RBPMS: variants seen among roughly 807,000 people sequenced by gnomAD.
The protein encoded by RBPMS is RNA binding protein, mRNA processing factor.
In RBPMS, 7 loss-of-function variants were observed where a neutral mutation model predicts 26.8. That is an observed-to-expected ratio of 0.26 (90% CI 0.15 to 0.49). RBPMS has a LOEUF of 0.49. Among genes scored for constraint, RBPMS ranks in the 20% least tolerant of loss-of-function variants. RBPMS has a pLI of 0.98. For missense variants in RBPMS, 186 were observed against 250.0 expected (o/e 0.74, Z 1.73); for synonymous variants, 96 against 93.3 (o/e 1.03, Z -0.17).
At chr8:30,565,234 T>C (rs1433224071) in intron 7 of RBPMS, 4 of 152,226 alleles carry the variant, frequency 2.6e-5, no homozygotes, top group Non-Finnish European at 5.9e-5. Context: ...GAGAGAGATG[T>C]CCTAGGAAGG....
chr8:30,414,535 T>C (rs1585384256), intron 1 of RBPMS, among the ~76,000 whole-genome samples: 1 of 152,218 alleles, frequency 6.6e-6, no homozygotes, highest in Non-Finnish European at 1.5e-5. Flanking sequence ...GGCTGGGCAA[T>C]ATGTATCACT....
chr8:30,544,796 C>T lies in RBPMS; in HGVS notation c.528+172C>T, dbSNP rs1268335725. ...ACACTCCTTCAGGACTGACGAGGATCGTCTGACAGCAATGATATCACCCAC... is the reference window on the plus strand; with the variant it reads ...ACACTCCTTCAGGACTGACGAGGATTGTCTGACAGCAATGATATCACCCAC... On this transcript the variant is annotated intron_variant, in intron 6 of 8. Coordinates refer to ENST00000397323, the MANE Select transcript of RBPMS (RefSeq NM_001008710.3). 3.2e-6 allele frequency: 5 copies of T among 1,569,870 alleles called. No individual in the cohort carries two copies. In the East Asian group the frequency reaches 6.9e-5, roughly 22 times the overall value.
chr8:30,523,905 A>G (rs1823314471), intron 5 of RBPMS, among the ~76,000 whole-genome samples: 1 of 152,140 alleles, frequency 6.6e-6, no homozygotes, highest in Admixed American at 6.5e-5. Flanking sequence ...GAAAATTTCA[A>G]ACATATCTAA....
intron 1 of RBPMS, among the ~76,000 whole-genome samples, chr8:30,421,242 T>C (rs1490787765): frequency 6.6e-6 from 1 of 152,086 alleles, no homozygotes; most frequent in African/African-American, 2.4e-5. Context: ...CCTGATAGCA[T>C]CTAGGGTGGA....
At chr8:30,476,277 G>A (rs1211213963) in intron 2 of RBPMS, among the ~76,000 whole-genome samples, 1 of 152,216 alleles carries the variant, frequency 6.6e-6, no homozygotes, top group Non-Finnish European at 1.5e-5. Flanking sequence ...AAACCAAGCA[G>A]TCTGACTCTG....
At chr8:30,444,354 A>G (rs988577379) in intron 1 of RBPMS, among the ~76,000 whole-genome samples, 4 of 152,252 alleles carry the variant, frequency 2.6e-5, no homozygotes, top group African/African-American at 9.6e-5. Context: ...ATAGTTTTAC[A>G]TCACTTCAGA....
At chr8:30,480,824 G>A (rs969862154) in intron 4 of RBPMS, among the ~76,000 whole-genome samples, 47 of 152,226 alleles carry the variant, frequency 3.1e-4, no homozygotes, top group African/African-American at 1.1e-3. Context: ...CAATTTAGCA[G>A]TGTTTTATTT....
chr8:30,481,621 T>C (rs1184258277), intron 4 of RBPMS, among the ~76,000 whole-genome samples: 2 of 152,176 alleles, frequency 1.3e-5, no homozygotes, highest in Non-Finnish European at 2.9e-5. Flanking sequence ...TTGCTACTTA[T>C]GTGTTAATAA....
At chr8:30,544,994 TAGG>T (rs1040835413) in intron 6 of RBPMS, 10 of 1,450,766 alleles carry the variant, frequency 6.9e-6, no homozygotes, top group South Asian at 1.4e-5. Context: ...AGGTGTGTGC[TAGG>T]AGAAGGGGAT....
chr8:30,555,872 AC>A, intron 6 of RBPMS: 1 of 985,258 alleles, frequency 1.0e-6, no homozygotes, highest in Non-Finnish European at 1.2e-6. Context: ...TCTCCTCATT[AC>A]CCCCACACAG....
chr8:30,486,275 G>A (rs1340417379), intron 4 of RBPMS, among the ~76,000 whole-genome samples: 1 of 151,998 alleles, frequency 6.6e-6, no homozygotes, highest in Admixed American at 6.5e-5. Flanking sequence ...AGGAGGCGGA[G>A]GTTGCAGTGA....
chr8:30,426,424 C>T lies in RBPMS; in HGVS notation c.66+41266C>T, dbSNP rs529494755. 9.9e-5 allele frequency among the ~76,000 whole-genome samples: 15 copies of T among 152,186 alleles called. No homozygotes were observed. The South Asian group carries it at 1.9e-3, about 19-fold the overall frequency. ...TTTCCTACTGTTTTCACTGTTTAGACGGGAGGCTTTTCTTAGGAGAATTAG... is the reference window on the plus strand; with the variant it reads ...TTTCCTACTGTTTTCACTGTTTAGATGGGAGGCTTTTCTTAGGAGAATTAG... On this transcript the variant is annotated intron_variant, in intron 1 of 8. Transcript: ENST00000397323.
chr8:30,470,001 C>G (rs1444283551), intron 1 of RBPMS, among the ~76,000 whole-genome samples: 1 of 152,040 alleles, frequency 6.6e-6, no homozygotes, highest in African/African-American at 2.4e-5. Context: ...CTTAGCAAAG[C>G]CAAAACTCTG....
intron 5 of RBPMS, among the ~76,000 whole-genome samples, chr8:30,514,368 T>C (rs1157183548): frequency 6.6e-6 from 1 of 152,190 alleles, no homozygotes; most frequent in Non-Finnish European, 1.5e-5. Context: ...CTATGGTTAT[T>C]CAGAGTTGGA....
chr8:30,556,408 C>G, intron 6 of RBPMS: 1 of 985,868 alleles, frequency 1.0e-6, no homozygotes, highest in African/African-American at 1.7e-5. Flanking sequence ...TGTGCGAGAG[C>G]TGGTCAGAGA....
chr8:30,536,680 C>A (rs1824833557), intron 5 of RBPMS, among the ~76,000 whole-genome samples: 2 of 152,120 alleles, frequency 1.3e-5, no homozygotes, highest in Admixed American at 1.3e-4. Context: ...ATCATAGATT[C>A]AAGTTGCCCT....
chr8:30,507,418 G>A (rs1452419560), intron 5 of RBPMS, among the ~76,000 whole-genome samples: 1 of 152,178 alleles, frequency 6.6e-6, no homozygotes, highest in East Asian at 1.9e-4. Context: ...ATCATAATTT[G>A]TTAATAAAAA....
chr8:30,443,838 G>A (rs1226198006), intron 1 of RBPMS, among the ~76,000 whole-genome samples: 1 of 152,036 alleles, frequency 6.6e-6, no homozygotes, highest in African/African-American at 2.4e-5. Context: ...CTTGTGATCT[G>A]CCCGCCTCGG....
intron 5 of RBPMS, among the ~76,000 whole-genome samples, chr8:30,518,743 C>T (rs983671739): frequency 2.3e-5 from 2 of 87,818 alleles, no homozygotes; most frequent in Non-Finnish European, 4.1e-5. Flanking sequence ...TTTTAGCTGT[C>T]ATTTAATTGA....
Sources: allele counts gnomAD v4.1 joint callset (sites outside exome capture counted in the v4.1 genomes callset), GRCh38; gene constraint gnomAD v4.1.1; transcripts MANE v1.5; gene names NCBI Gene and HGNC (gene_info 2026-07-23, HGNC 2026-07-21).